The following COL27A1 variants were observed in gnomAD, a reference collection of about 807,000 sequenced individuals.
COL27A1 encodes the protein collagen alpha-1(XXVII) chain.
COL27A1 carries 106 observed loss-of-function variants against 251.3 expected under a neutral mutation model. That is an observed-to-expected ratio of 0.42 (90% CI 0.36 to 0.50). COL27A1 has a LOEUF of 0.50. COL27A1 is among the 20% of genes least tolerant of loss of function. COL27A1 has a pLI of 0.00. For missense variants in COL27A1, 2,325 were observed against 2,522.8 expected, an observed-to-expected ratio of 0.92 and a Z score of 1.68; for synonymous variants, 1,000 against 986.3, an observed-to-expected ratio of 1.01 and a Z score of -0.26.
chr9:114,160,970 G>C (rs185398058), intron 1 of COL27A1, among the ~76,000 whole-genome samples: 3 of 152,312 alleles, frequency 2.0e-5, no homozygotes, highest in Admixed American at 2.0e-4. Context: ...ATTTCAGCTG[G>C]TTTACATTAT....
At chr9:114,193,331 C>A (rs962419105) in intron 5 of COL27A1, among the ~76,000 whole-genome samples, 56 of 152,266 alleles carry the variant, frequency 3.7e-4, no homozygotes, top group Non-Finnish European at 3.1e-4. Context: ...GGCTGGTGAA[C>A]CTGTGGGCCC....
chr9:114,277,781 C>T (rs1479910333), intron 37 of COL27A1, among the ~76,000 whole-genome samples: 1 of 152,182 alleles, frequency 6.6e-6, no homozygotes, highest in South Asian at 2.1e-4. Flanking sequence ...TCACCCGCCC[C>T]CTGCCCTCTC....
intron 7 of COL27A1, among the ~76,000 whole-genome samples, chr9:114,204,734 T>C (rs1588654399): frequency 3.3e-5 from 5 of 152,114 alleles, no homozygotes; most frequent in Admixed American, 3.3e-4. Context: ...TACTCCTCCA[T>C]TGACAAATCC....
rs750422997 is a variant in COL27A1, at chr9:114,155,927, G to A, written c.-24G>A. ...GCGCCCACACTTGCCCCCCGGGCTCGGGAGCATGAAGTAGGGGCCTGCCAT... is the reference window on the plus strand; with the variant it reads ...GCGCCCACACTTGCCCCCCGGGCTCAGGAGCATGAAGTAGGGGCCTGCCAT... On this transcript the variant is annotated 5_prime_UTR_variant, in exon 1 of 61. Transcript: ENST00000356083. The surrounding 1 kb of genome is among the most constrained non-coding windows in gnomAD (Gnocchi z 5.5). The A allele has an allele frequency of 1.6e-6, 2 of 1,239,082 alleles. No individual in the cohort carries two copies. The highest frequency in any genetic ancestry group is 1.5e-5 in the African/African-American group (1 of 64,810). The allele number at this position is 1,239,082 out of a possible 1,614,324, so 76.8% of individuals were successfully genotyped here. A position where few individuals can be genotyped will look rare whatever the true frequency, so the allele number is the denominator to read the frequency against.
At chr9:114,243,796 C>T (rs1832923430) in intron 23 of COL27A1, among the ~76,000 whole-genome samples, 1 of 151,258 alleles carries the variant, frequency 6.6e-6, no homozygotes, top group Non-Finnish European at 1.5e-5. Context: ...GTGTTTCGGG[C>T]TATTTTACAA....
intron 16 of COL27A1, among the ~76,000 whole-genome samples, chr9:114,233,930 T>A (rs1432012847): frequency 6.6e-6 from 1 of 152,144 alleles, no homozygotes; most frequent in Non-Finnish European, 1.5e-5. Flanking sequence ...CACACATCCG[T>A]GTCCCCTGGC....
chr9:114,194,933 A>G (rs1181286984), intron 6 of COL27A1, among the ~76,000 whole-genome samples: 3 of 152,210 alleles, frequency 2.0e-5, no homozygotes, highest in African/African-American at 7.2e-5. Context: ...CTGAAGGGCT[A>G]TGAAACCAGG....
intron 14 of COL27A1, among the ~76,000 whole-genome samples, chr9:114,228,701 G>A (rs1251470519): frequency 6.6e-6 from 1 of 152,224 alleles, no homozygotes; most frequent in African/African-American, 2.4e-5. Context: ...CTGGGTTAAA[G>A]CACGTCAAGT....
chr9:114,194,207 T>G (rs1828943788), intron 5 of COL27A1, among the ~76,000 whole-genome samples, 197 bp from the exon 6 acceptor site: 1 of 152,110 alleles, frequency 6.6e-6, no homozygotes, highest in African/African-American at 2.4e-5. Context: ...TTTGTCACCA[T>G]GCAGTCAGGG....
At position 114,162,797 on chromosome 9, in the gene COL27A1, T is replaced by C. The variant is rs1848591778; in HGVS notation, c.133+12T>C. The C allele has an allele frequency of 2.5e-6, 4 of 1,602,674 alleles. No homozygotes were observed. Among genetic ancestry groups the C allele is most frequent in the Non-Finnish European group, 3.4e-6 (4 of 1,170,272 alleles). ...AGGAGCTCCTGAAGGTAATTCTCTCTTCTCTTTGTCCAGGGGGAGACAAAG... is the reference window on the plus strand; with the variant it reads ...AGGAGCTCCTGAAGGTAATTCTCTCCTCTCTTTGTCCAGGGGGAGACAAAG... On this transcript the variant is annotated intron_variant, in intron 2 of 60. Transcript: ENST00000356083.
At chr9:114,302,052 A>G in intron 55 of COL27A1, 30 bp from the exon 56 acceptor site, 1 of 1,605,992 alleles carries the variant, frequency 6.2e-7, no homozygotes, top group African/African-American at 1.3e-5. Context: ...TGTCCCTGTC[A>G]TTTGACTGAC....
At chr9:114,257,679 CCTT>C (rs953425911) in intron 27 of COL27A1, among the ~76,000 whole-genome samples, 2 of 152,176 alleles carry the variant, frequency 1.3e-5, no homozygotes, top group African/African-American at 2.4e-5. Context: ...CCTCCCCTCT[CCTT>C]CTCTCTTTCT....
At chr9:114,241,220 TGCCCCACCTACCTTAGCTCAG>T (rs1832731907) in intron 21 of COL27A1, among the ~76,000 whole-genome samples, 1 of 152,214 alleles carries the variant, frequency 6.6e-6, no homozygotes, top group South Asian at 2.1e-4. Flanking sequence ...AGCCTTCCCA[TGCCCCACCTACCTTAGCTCAG>T]GCGCCAGGCC....
intron 12 of COL27A1, chr9:114,217,889 A>C: frequency 2.2e-6 from 1 of 461,392 alleles, no homozygotes; most frequent in Non-Finnish European, 4.4e-6. Context: ...CAAGGCAGGC[A>C]GATCGCTTGA....
chr9:114,192,150 T>G lies in COL27A1; in HGVS notation c.2017-2254T>G, dbSNP rs150822533. ...AACTAAAATGCCCTGGGTAAGGACC[T>G]TGGGCAAGGGAGCAAGTCATCATTT... is the stretch of plus-strand genomic sequence containing the variant. On this transcript the variant is annotated intron_variant, in intron 5 of 60. Transcript: ENST00000356083. 3.9e-3 allele frequency among the ~76,000 whole-genome samples: 601 copies of G among 152,350 alleles called. 5 individuals carry two copies. The Middle Eastern group carries it at 0.044, about 11-fold the overall frequency.
At position 114,264,958 on chromosome 9, in the gene COL27A1, C is replaced by G. The variant is rs561335409; in HGVS notation, c.3284C>G (p.Pro1095Arg). The G allele has an allele frequency of 3.7e-6, 6 of 1,613,462 alleles. No individual in the cohort carries two copies. In the East Asian group the frequency reaches 1.3e-4, roughly 36 times the overall value. The change falls in exon 30 of 61, where the codon CCT (proline) becomes CGT (arginine). Residue 1095 changes from proline (P) to arginine (R), a missense_variant. Coordinates refer to ENST00000356083, the MANE Select transcript of COL27A1 (RefSeq NM_032888.4). ...PPGPQGRPGR[P>R]GQQGVAGERG... ...GGACCCCAGGGCAGACCGGGCCGGC[C>G]TGGACAGCAGGTATGTCAGGCCAAG...
In COL27A1 at chr9:114,155,986, A is replaced by AGCG. The variant is rs753121744; in HGVS notation, c.52_54dup (p.Ala18dup). The AGCG allele has an allele frequency of 4.6e-5, 60 of 1,290,864 alleles. No homozygotes were observed. Among genetic ancestry groups the AGCG allele is most frequent in the East Asian group, 2.3e-4 (8 of 35,330 alleles). 80.0% of individuals were successfully genotyped at this position (1,290,864 alleles called of 1,614,324 possible). Reference sequence around the variant, plus strand: ...GATCGGCGCGGGGGGCCCGAGGCACAGCGGCGGCGGCGGCGGCGCGCGGGG... The same window carrying AGCG: ...GATCGGCGCGGGGGGCCCGAGGCACAGCGGCGGCGGCGGCGGCGGCGCGCGGGG... On this transcript the variant is annotated inframe_insertion, in exon 1 of 61. Coordinates refer to ENST00000356083, the MANE Select transcript of COL27A1 (RefSeq NM_032888.4). This position sits in a 1 kb window ranked among gnomAD's most constrained non-coding sequence, Gnocchi z 5.5.
At position 114,231,841 on chromosome 9, in the gene COL27A1, G is replaced by C; in HGVS notation, c.2540G>C (p.Gly847Ala). ...TTGCAGGGACTGATGGGCAGCGTGGGGGAGCCCGGACTGAAAGGTGATAAG... is the reference window on the plus strand; with the variant it reads ...TTGCAGGGACTGATGGGCAGCGTGGCGGAGCCCGGACTGAAAGGTGATAAG... ...KGMKGLMGSV[G>A]EPGLKGDKGE... Residue 847 changes from glycine to alanine, a missense_variant, in exon 16 of 61, where the codon GGG becomes GCG. Transcript: ENST00000356083. 1 of 1,614,198 alleles carries C rather than the reference G, an allele frequency of 6.2e-7. No individual in the cohort carries two copies. The highest frequency in any genetic ancestry group is 1.3e-5 in the African/African-American group (1 of 75,066).
intron 3 of COL27A1, among the ~76,000 whole-genome samples, chr9:114,170,596 G>A (rs1490223099): frequency 6.6e-6 from 1 of 152,220 alleles, no homozygotes; most frequent in Non-Finnish European, 1.5e-5. Context: ...ATAATCATTA[G>A]GAATAATATT....
Sources: allele counts gnomAD v4.1 joint callset (sites outside exome capture counted in the v4.1 genomes callset), GRCh38; gene constraint gnomAD v4.1.1; non-coding constraint Gnocchi (gnomAD v3.1); transcripts MANE v1.5; gene names NCBI Gene and HGNC (gene_info 2026-07-23, HGNC 2026-07-21).